EXT1: variants seen among roughly 807,000 people sequenced by gnomAD.
EXT1 encodes the protein exostosin-1.
A neutral mutation model predicts 82.5 loss-of-function variants in EXT1; 20 were observed. The observed-to-expected ratio is 0.24, with a 90% CI of 0.17 to 0.35. EXT1 has a LOEUF of 0.35. Among genes scored for constraint, EXT1 ranks in the 10% least tolerant of loss-of-function variants. The pLI is 1.00. For synonymous variants in EXT1, 348 were observed against 350.8 expected (o/e 0.99, Z 0.09); for missense variants, 757 against 936.5 (o/e 0.81, Z 2.50).
chr8:118,007,036 G>A (rs540858592), intron 1 of EXT1, among the ~76,000 whole-genome samples: 1 of 152,254 alleles, frequency 6.6e-6, no homozygotes, highest in East Asian at 1.9e-4. Context: ...GGTGGCTCAC[G>A]CCTGTAATCC....
intron 1 of EXT1, among the ~76,000 whole-genome samples, chr8:118,025,266 C>T (rs964736316): frequency 3.3e-5 from 5 of 152,128 alleles, no homozygotes; most frequent in Admixed American, 6.5e-5. Context: ...CCTGGCTCAC[C>T]GCTGTGGGCT....
rs1399625726 is a variant in EXT1 at position 117,850,856 on chromosome 8, AAAACACC to A, written c.963-13662_963-13656del. On this transcript the variant is annotated intron_variant, in intron 1 of 10. Transcript: ENST00000378204. ...CTCAGGACCCTGCCTGCAGGCTTCC[AAAACACC>A]CCAAGGGTAGACCATTGGTGTGTGT... Among the ~76,000 whole-genome samples, 5 of 152,168 alleles carry A rather than the reference AAAACACC, an allele frequency of 3.3e-5. No homozygotes were observed. The East Asian group carries it at 9.6e-4, about 29-fold the overall frequency.
intron 1 of EXT1, among the ~76,000 whole-genome samples, chr8:117,949,002 CA>C (rs1199634564): frequency 6.6e-6 from 1 of 152,198 alleles, no homozygotes; most frequent in Non-Finnish European, 1.5e-5. Flanking sequence ...CAGTGGAAGA[CA>C]ACTCTATTCC....
At chr8:117,952,747 G>A (rs939495948) in intron 1 of EXT1, among the ~76,000 whole-genome samples, 9 of 151,418 alleles carry the variant, frequency 5.9e-5, no homozygotes, top group Non-Finnish European at 1.3e-4. Flanking sequence ...AGCAACACAG[G>A]GAGACTGAAA....
chr8:118,058,254 A>T (rs1816827109), intron 1 of EXT1, among the ~76,000 whole-genome samples: 1 of 152,168 alleles, frequency 6.6e-6, no homozygotes, highest in African/African-American at 2.4e-5. Flanking sequence ...AAGGTTTGAA[A>T]GTAATATACT....
At position 117,837,177 on chromosome 8, in the gene EXT1, G is replaced by A. The variant is rs1369831625; in HGVS notation, c.987C>T (p.His329=). Reference sequence around the variant, plus strand: ...GAGGAACCAGACAGAAAGTGGCATTGTGCAGCATTTCCCGATAATCATACC... The same window carrying A: ...GAGGAACCAGACAGAAAGTGGCATTATGCAGCATTTCCCGATAATCATACC... ...YEKYDYREML[H]NATFCLVPRG... is the part of the protein sequence containing the mutation. The change falls in exon 2 of 11, where the codon CAC becomes CAT. Residue 329 remains histidine, a synonymous_variant. Coordinates refer to ENST00000378204, the MANE Select transcript of EXT1 (RefSeq NM_000127.3). The A allele has an allele frequency of 1.2e-6, 2 of 1,613,934 alleles. No individual in the cohort carries two copies. Among genetic ancestry groups the A allele is most frequent in the Non-Finnish European group, 8.5e-7 (1 of 1,179,878 alleles).
intron 8 of EXT1, among the ~76,000 whole-genome samples, chr8:117,811,863 C>T (rs943827957): frequency 6.6e-6 from 1 of 152,214 alleles, no homozygotes; most frequent in African/African-American, 2.4e-5. Context: ...GTCTGCCCGC[C>T]TCAGCCTCCC....
intron 7 of EXT1, among the ~76,000 whole-genome samples, chr8:117,814,674 G>C (rs1811770422): frequency 6.6e-6 from 1 of 152,152 alleles, no homozygotes; most frequent in Non-Finnish European, 1.5e-5. Flanking sequence ...TCTTCCAGAA[G>C]TTATAGTAAG....
chr8:118,018,371 G>C (rs1816038041), intron 1 of EXT1, among the ~76,000 whole-genome samples: 1 of 152,132 alleles, frequency 6.6e-6, no homozygotes, highest in Admixed American at 6.5e-5. Context: ...CAGGGATCAG[G>C]ATGATGTTTC....
chr8:117,809,610 G>T (rs867970116), intron 8 of EXT1, among the ~76,000 whole-genome samples: 1 of 150,320 alleles, frequency 6.7e-6, no homozygotes. Context: ...GCCCCCTATC[G>T]TGGGCGGCAG....
chr8:117,919,149 T>C (rs1813808731), intron 1 of EXT1, among the ~76,000 whole-genome samples: 1 of 151,986 alleles, frequency 6.6e-6, no homozygotes, highest in African/African-American at 2.4e-5. Flanking sequence ...TTCTTAACTT[T>C]CATGCTCATT....
intron 1 of EXT1, among the ~76,000 whole-genome samples, chr8:118,017,914 C>T (rs1203338019): frequency 6.6e-6 from 1 of 152,224 alleles, no homozygotes; most frequent in Admixed American, 6.5e-5. Context: ...AAGGAATGAG[C>T]TCTTGCACAG....
intron 1 of EXT1, among the ~76,000 whole-genome samples, chr8:117,998,778 G>T (rs1381664780): frequency 6.6e-6 from 1 of 152,146 alleles, no homozygotes; most frequent in African/African-American, 2.4e-5. Context: ...ACCCCCAAAT[G>T]AGTCAGAATG....
chr8:118,107,377 T>C (rs576485826), intron 1 of EXT1, among the ~76,000 whole-genome samples: 17 of 152,290 alleles, frequency 1.1e-4, no homozygotes, highest in Non-Finnish European at 2.4e-4. Flanking sequence ...AGAGCACCCC[T>C]GAAGCAGTCT....
intron 1 of EXT1, among the ~76,000 whole-genome samples, chr8:118,073,810 TA>T (rs2129968831): frequency 6.6e-6 from 1 of 152,302 alleles, no homozygotes; most frequent in South Asian, 2.1e-4. Flanking sequence ...TAATAACATA[TA>T]GCTATGACTT....
chr8:118,042,443 C>T (rs1458740880), intron 1 of EXT1, among the ~76,000 whole-genome samples: 2 of 152,044 alleles, frequency 1.3e-5, no homozygotes, highest in African/African-American at 2.4e-5. Flanking sequence ...TACAGGCACA[C>T]GCTACCACAC....
intron 1 of EXT1, among the ~76,000 whole-genome samples, chr8:117,909,176 A>G (rs1813599212): frequency 6.6e-6 from 1 of 152,152 alleles, no homozygotes; most frequent in Admixed American, 6.6e-5. Context: ...ACTTGGTGTC[A>G]TGGCTAAAAA....
At chr8:118,021,955 T>G (rs1816110316) in intron 1 of EXT1, among the ~76,000 whole-genome samples, 1 of 152,192 alleles carries the variant, frequency 6.6e-6, no homozygotes, top group African/African-American at 2.4e-5. Context: ...ATGACTCCCT[T>G]CATCCTCCAA....
chr8:118,084,217 G>A (rs528021685), intron 1 of EXT1, among the ~76,000 whole-genome samples: 5 of 152,262 alleles, frequency 3.3e-5, no homozygotes, highest in African/African-American at 1.2e-4. Context: ...AAGACTGTCT[G>A]GTGATCACAG....
Sources: allele counts gnomAD v4.1 joint callset (sites outside exome capture counted in the v4.1 genomes callset), GRCh38; gene constraint gnomAD v4.1.1; transcripts MANE v1.5; gene names NCBI Gene and HGNC (gene_info 2026-07-23, HGNC 2026-07-21).